PTPRS: variants seen among roughly 807,000 people sequenced by gnomAD.
PTPRS encodes the protein protein tyrosine phosphatase receptor type S, also known as receptor-type tyrosine-protein phosphatase S.
A neutral mutation model predicts 215.3 loss-of-function variants in PTPRS; 63 were observed. That is an observed-to-expected ratio of 0.29 (90% CI 0.24 to 0.36). The LOEUF (loss-of-function observed/expected upper bound fraction) is 0.36, where lower values mean the gene tolerates loss of function less well. Ranked by LOEUF, PTPRS falls within the 10% of genes least tolerant of loss-of-function variation. PTPRS has a pLI of 1.00. For missense variants in PTPRS, 2,258 were observed against 2,825.8 expected, an observed-to-expected ratio of 0.80 and a Z score of 4.56; for synonymous variants, 1,404 against 1,191.4, an observed-to-expected ratio of 1.18 and a Z score of -3.68.
At chr19:5,230,771 A>G (rs112033825) in intron 14 of PTPRS, among the ~76,000 whole-genome samples, 3 of 152,118 alleles carry the variant, frequency 2.0e-5, no homozygotes, top group Admixed American at 2.0e-4. Context: ...AAGAAGTTGC[A>G]ATTTTATTGG....
chr19:5,315,372 T>TTTTTTTTG (rs2049842381), intron 1 of PTPRS, among the ~76,000 whole-genome samples: 5 of 115,362 alleles, frequency 4.3e-5, no homozygotes, highest in African/African-American at 1.9e-4. Context: ...TTTTTTTTTT[T>TTTTTTTTG]TTTTTTTTTG....
At chr19:5,276,686 G>T (rs10403052) in intron 2 of PTPRS, among the ~76,000 whole-genome samples, 1,616 of 151,042 alleles carry the variant, frequency 0.011, 38 homozygotes, top group African/African-American at 0.037. Context: ...GACTACAGAT[G>T]CCCGCCACCA....
rs1248148990 is a variant in PTPRS, at chr19:5,274,193, A to T, written c.237+6T>A. 1 of 1,607,150 alleles carries T rather than the reference A, an allele frequency of 6.2e-7. No individual in the cohort carries two copies. The highest frequency in any genetic ancestry group is 8.5e-7 in the Non-Finnish European group (1 of 1,174,800). On this transcript the variant is annotated splice_donor_region_variant and intron_variant, in intron 3 of 37. Coordinates refer to ENST00000262963, the MANE Select transcript of PTPRS (RefSeq NM_002850.4). ...CCCCAGGCTGCCTCCCCCTACCCCA[A>T]CTCACCTCAAAGCGCTGAGAGTTGA...
chr19:5,270,687 G>C (rs113785787), intron 4 of PTPRS, among the ~76,000 whole-genome samples: 186 of 152,182 alleles, frequency 1.2e-3, no homozygotes, highest in African/African-American at 4.4e-3. Context: ...ACCCAGGCTG[G>C]AGTACAGTGG....
chr19:5,340,258 G>A lies in PTPRS; in HGVS notation c.-95+406C>T, dbSNP rs570240205. Among the ~76,000 whole-genome samples the A allele has an allele frequency of 4.7e-5, 7 of 150,206 alleles. No individual in the cohort carries two copies. In the South Asian group the frequency reaches 1.5e-3, roughly 31 times the overall value. ...CCCGGGCCGGGCGCCGCCGGGGCCGGCACCGGCTCCGCACACACGCGCGCC... is the reference window on the plus strand; with the variant it reads ...CCCGGGCCGGGCGCCGCCGGGGCCGACACCGGCTCCGCACACACGCGCGCC... On this transcript the variant is annotated intron_variant, in intron 1 of 37. Coordinates refer to ENST00000262963, the MANE Select transcript of PTPRS (RefSeq NM_002850.4).
chr19:5,323,208 A>C (rs751069688), intron 1 of PTPRS, among the ~76,000 whole-genome samples: 20 of 151,926 alleles, frequency 1.3e-4, no homozygotes, highest in Non-Finnish European at 2.9e-4. Context: ...AATACAGAAA[A>C]ATTAGCTGGG....
At chr19:5,229,907 C>CGG (rs2042878218) in intron 14 of PTPRS, among the ~76,000 whole-genome samples, 7 of 98,550 alleles carry the variant, frequency 7.1e-5, no homozygotes, top group African/African-American at 5.5e-4. Flanking sequence ...TCCAGGCTGC[C>CGG]CCCCCCCGAG....
At chr19:5,278,334 T>C (rs2047570123) in intron 2 of PTPRS, among the ~76,000 whole-genome samples, 2 of 151,984 alleles carry the variant, frequency 1.3e-5, no homozygotes, top group South Asian at 2.1e-4. Context: ...TCCTCCCAAC[T>C]CAGCCTCCTG....
intron 1 of PTPRS, among the ~76,000 whole-genome samples, chr19:5,316,444 G>T (rs1461478576): frequency 6.6e-6 from 1 of 152,050 alleles, no homozygotes. Context: ...CGAGGCTGGA[G>T]TGTGGTGCTG....
intron 15 of PTPRS, 67 bp downstream of exon 15, chr19:5,229,424 G>A (rs948339073): frequency 1.1e-5 from 15 of 1,360,146 alleles, no homozygotes; most frequent in East Asian, 3.0e-5. Context: ...AAGCAGAGGT[G>A]GGGGGAGCGC....
chr19:5,275,759 T>C (rs2146635973), intron 2 of PTPRS, among the ~76,000 whole-genome samples: 1 of 152,210 alleles, frequency 6.6e-6, no homozygotes, highest in South Asian at 2.1e-4. Flanking sequence ...TGAGCCAAGA[T>C]CATGGCACCA....
At chr19:5,218,354 G>A (rs2145250671) in intron 25 of PTPRS, 66 bp downstream of exon 25, 1 of 1,467,058 alleles carries the variant, frequency 6.8e-7, no homozygotes. Context: ...CAGGGTGGCA[G>A]CTACTGCTTC....
chr19:5,264,868 C>A, intron 5 of PTPRS, 140 bp downstream of exon 5: 1 of 962,982 alleles, frequency 1.0e-6, no homozygotes, highest in South Asian at 1.6e-5. Flanking sequence ...TGCCCCCACT[C>A]CCCCAGAGCC....
chr19:5,282,219 C>T (rs943908266), intron 2 of PTPRS, among the ~76,000 whole-genome samples: 1 of 152,118 alleles, frequency 6.6e-6, no homozygotes, highest in Non-Finnish European at 1.5e-5. Flanking sequence ...GGAAGCACCC[C>T]CATCACTGCA....
intron 6 of PTPRS, among the ~76,000 whole-genome samples, chr19:5,262,237 T>C (rs969627752): frequency 7.2e-5 from 11 of 152,172 alleles, no homozygotes; most frequent in Non-Finnish European, 4.4e-5. Context: ...ATGGTGCCAC[T>C]GCACTCCAGC....
intron 9 of PTPRS, 77 bp from the exon 10 acceptor site, chr19:5,246,122 G>A (rs2044461709): frequency 5.1e-6 from 4 of 780,578 alleles, no homozygotes; most frequent in Non-Finnish European, 5.3e-6. Flanking sequence ...GGGAAGACAG[G>A]ATGCGGAGGA....
intron 1 of PTPRS, among the ~76,000 whole-genome samples, chr19:5,329,282 T>C (rs1290025457): frequency 1.3e-5 from 2 of 150,178 alleles, no homozygotes; most frequent in East Asian, 3.9e-4. Flanking sequence ...AGTCTGAGGG[T>C]GCCATCCAGA....
chr19:5,320,739 A>C (rs888559857), intron 1 of PTPRS, among the ~76,000 whole-genome samples: 7 of 152,088 alleles, frequency 4.6e-5, no homozygotes, highest in African/African-American at 1.7e-4. Flanking sequence ...ATTTCTTTAC[A>C]ATCGTCACAC....
At chr19:5,247,600 C>T (rs770886687) in intron 9 of PTPRS, among the ~76,000 whole-genome samples, 1 of 152,140 alleles carries the variant, frequency 6.6e-6, no homozygotes, top group African/African-American at 2.4e-5. Flanking sequence ...TTCAACTGCA[C>T]AGATGACGGA....
Sources: allele counts gnomAD v4.1 joint callset (sites outside exome capture counted in the v4.1 genomes callset), GRCh38; gene constraint gnomAD v4.1.1; transcripts MANE v1.5; gene names NCBI Gene and HGNC (gene_info 2026-07-23, HGNC 2026-07-21).